The following ATAD3A variants were observed in gnomAD, a reference collection of about 807,000 sequenced individuals.
ATAD3A encodes the protein ATPase family AAA domain-containing protein 3A.
In ATAD3A, 46 loss-of-function variants were observed where a neutral mutation model predicts 73.8. That is an observed-to-expected ratio of 0.62 (90% CI 0.49 to 0.80). The LOEUF is 0.80. ATAD3A is among the 30% of genes least tolerant of loss of function. ATAD3A has a pLI of 0.00. For synonymous variants in ATAD3A, 319 were observed against 350.0 expected (o/e 0.91, Z 0.99); for missense variants, 705 against 838.0 (o/e 0.84, Z 1.96).
Position 1,524,348 on chromosome 1 carries a change from G to A in ATAD3A, c.1165G>A (p.Val389Met), listed in dbSNP as rs375431215. 3.7e-6 allele frequency: 6 copies of A among 1,611,448 alleles called. No homozygotes were observed. The African/African-American group carries it at 4.0e-5, about 11-fold the overall frequency. The change falls in exon 11 of 16, where the codon GTG becomes ATG. Residue 389 changes from valine (V) to methionine (M), a missense_variant. Physicochemically the swap from Val to Met is conservative, Grantham distance 21. Coordinates refer to ENST00000378756, the MANE Select transcript of ATAD3A (RefSeq NM_001170535.3). ...CGTGGCCCCCATGGGGCGGGAAGGCGTGACCGCCATGCACAAGCTCTTTGA... is the reference window on the plus strand; with the variant it reads ...CGTGGCCCCCATGGGGCGGGAAGGCATGACCGCCATGCACAAGCTCTTTGA... ...GDVAPMGREG[V>M]TAMHKLFDWA...
chr1:1,514,209 G>A (rs566723011), intron 1 of ATAD3A, among the ~76,000 whole-genome samples: 149 of 152,232 alleles, frequency 9.8e-4, no homozygotes, highest in African/African-American at 3.3e-3. Flanking sequence ...GTCACTGGGG[G>A]TAGGAACTGT....
intron 12 of ATAD3A, among the ~76,000 whole-genome samples, chr1:1,525,628 A>T (rs1428915560): frequency 6.6e-6 from 1 of 151,988 alleles, no homozygotes; most frequent in Non-Finnish European, 1.5e-5. Flanking sequence ...GTTAGCCAGG[A>T]TGGTCTCGAT....
In ATAD3A at chr1:1,523,715, G is replaced by C. The variant is rs1641693096; in HGVS notation, c.964-124G>C. 1.3e-6 allele frequency: 2 copies of C among 1,586,596 alleles called. No homozygotes were observed. The highest frequency in any genetic ancestry group is 1.1e-5 in the South Asian group (1 of 87,784). On this transcript the variant is annotated intron_variant, in intron 9 of 15. Coordinates refer to ENST00000378756, the MANE Select transcript of ATAD3A (RefSeq NM_001170535.3). This position sits in a 1 kb window ranked among gnomAD's most constrained non-coding sequence, Gnocchi z 5.1. ...CTTGGACCGTGCTGGGGATAGATAG[G>C]CTGCCCCTGAGGTGGGAGGCTTCCC...
At chr1:1,532,050 TATTG>T (rs1338886004) in intron 15 of ATAD3A, among the ~76,000 whole-genome samples, 1 of 152,194 alleles carries the variant, frequency 6.6e-6, no homozygotes, top group Non-Finnish European at 1.5e-5. Context: ...ACTCGGCTAA[TATTG>T]ATTGATTTTT....
chr1:1,519,081 C>T (rs1641495048), intron 5 of ATAD3A, 91 bp downstream of exon 5: 3 of 1,606,524 alleles, frequency 1.9e-6, no homozygotes, highest in Admixed American at 3.4e-5. Flanking sequence ...TGCCGCCCGG[C>T]CCCTCATAGC....
intron 15 of ATAD3A, among the ~76,000 whole-genome samples, chr1:1,531,703 G>T (rs1265973343): frequency 3.3e-5 from 5 of 151,686 alleles, no homozygotes; most frequent in Admixed American, 2.0e-4. Context: ...GCATGAACCC[G>T]GGAGGCAGAG....
At position 1,525,412 on chromosome 1, in the gene ATAD3A, G is replaced by GC. The variant is rs1570346524; in HGVS notation, c.1266+122dup. 16 of 998,646 alleles carry GC rather than the reference G, an allele frequency of 1.6e-5. No individual in the cohort carries two copies. In the East Asian group the frequency reaches 4.1e-4, roughly 26 times the overall value. 61.9% of individuals were successfully genotyped at this position (998,646 alleles called of 1,614,324 possible). On this transcript the variant is annotated intron_variant, in intron 12 of 15. Transcript: ENST00000378756. Reference sequence around the variant, plus strand: ...CTCTGTAAGCTTTGTGTGAAAAACAGCTTTTTTTTTTTTTTTTTTTGAGAA... The same window carrying GC: ...CTCTGTAAGCTTTGTGTGAAAAACAGCCTTTTTTTTTTTTTTTTTTTGAGAA...
chr1:1,514,756 G>A (rs1164990987), intron 1 of ATAD3A, among the ~76,000 whole-genome samples: 3 of 152,212 alleles, frequency 2.0e-5, no homozygotes, highest in Non-Finnish European at 4.4e-5. Context: ...AGTTGACTCT[G>A]AAGGCTTAAA....
intron 1 of ATAD3A, among the ~76,000 whole-genome samples, chr1:1,514,826 C>T (rs1221543241): frequency 6.6e-6 from 1 of 152,186 alleles, no homozygotes; most frequent in East Asian, 1.9e-4. Flanking sequence ...CCAGGAGCAT[C>T]GGGGGTCCCT....
chr1:1,525,221 G>T lies in ATAD3A; in HGVS notation c.1215-19G>T. On this transcript the variant is annotated intron_variant, in intron 11 of 15. Transcript: ENST00000378756. ...CCTGGTGTCACTCTCGCCCTGCTTG[G>T]CCTCCCTCTCGTTCACAGCCTCCTG... 1 of 1,613,496 alleles carries T rather than the reference G, an allele frequency of 6.2e-7. No homozygotes were observed. The highest frequency in any genetic ancestry group is 8.5e-7 in the Non-Finnish European group (1 of 1,179,910).
rs1315102014 is a variant in ATAD3A at position 1,517,303 on chromosome 1, C to G, written c.283-8C>G. The G allele has an allele frequency of 7.1e-6, 11 of 1,547,022 alleles. No homozygotes were observed. The Admixed American group carries it at 1.4e-4, about 19-fold the overall frequency. On this transcript the variant is annotated splice_polypyrimidine_tract_variant and splice_region_variant and intron_variant, in intron 2 of 15. Transcript: ENST00000378756. ...CAAGTGCCAGCTGGTGAGTGCTGTG[C>G]TCTGCAGGAGTATGAGGCCGCCGTG...
chr1:1,528,855 A>G (rs1641941154), intron 14 of ATAD3A, among the ~76,000 whole-genome samples: 1 of 151,790 alleles, frequency 6.6e-6, no homozygotes, highest in Non-Finnish European at 1.5e-5. Flanking sequence ...CCCCACCCCC[A>G]TGGCTGCTCG....
At chr1:1,532,685 G>C (rs558518940) in intron 15 of ATAD3A, among the ~76,000 whole-genome samples, 1 of 152,200 alleles carries the variant, frequency 6.6e-6, no homozygotes, top group African/African-American at 2.4e-5. Context: ...GCCCTGGGTG[G>C]GGTGCAGCCA....
chr1:1,516,158 T>A (rs1641351103), intron 2 of ATAD3A, 70 bp downstream of exon 2: 2 of 1,603,712 alleles, frequency 1.2e-6, no homozygotes, highest in Admixed American at 3.4e-5. Flanking sequence ...TTGGTAGGGC[T>A]ACTGCCGGTG....
Position 1,527,699 on chromosome 1 carries a change from A to G in ATAD3A, c.1342A>G (p.Met448Val). The change falls in exon 14 of 16, where the codon ATG becomes GTG. Residue 448 changes from methionine (M) to valine (V), a missense_variant. Transcript: ENST00000378756. The part of the protein sequence containing the change: ...YRTGQHSNKF[M>V]LVLASNQPEQ... ...ATCCTCATCCCCGCCCCGCAGGTTC[A>G]TGCTGGTCCTGGCCAGCAACCAACC... The G allele has an allele frequency of 1.2e-6, 2 of 1,610,990 alleles. No homozygotes were observed. The highest frequency in any genetic ancestry group is 8.5e-7 in the Non-Finnish European group (1 of 1,178,330).
At chr1:1,516,661 C>A (rs531319598) in intron 2 of ATAD3A, among the ~76,000 whole-genome samples, 1 of 152,140 alleles carries the variant, frequency 6.6e-6, no homozygotes, top group East Asian at 1.9e-4. Context: ...GATCCACCTG[C>A]CTCGGCCTCC....
At chr1:1,525,477 C>T (rs1295944166) in intron 12 of ATAD3A, among the ~76,000 whole-genome samples, 186 bp downstream of exon 12, 14 of 149,360 alleles carry the variant, frequency 9.4e-5, no homozygotes, top group Admixed American at 2.0e-4. Flanking sequence ...TGCAATGGCC[C>T]CATCTCGGCT....
In ATAD3A at chr1:1,523,274, A is replaced by G. The variant is rs1405823734; in HGVS notation, c.907-237A>G. Among the ~76,000 whole-genome samples, 1 of 152,098 alleles carries G rather than the reference A, an allele frequency of 6.6e-6. No individual in the cohort carries two copies. Among genetic ancestry groups the G allele is most frequent in the East Asian group, 1.9e-4 (1 of 5,190 alleles). ...CGCCCCCGAGGTGCCTGCTCTCCAC[A>G]GGTCACTGGGTAGGTGGTTAAGAAA... On this transcript the variant is annotated intron_variant, in intron 8 of 15. Coordinates refer to ENST00000378756, the MANE Select transcript of ATAD3A (RefSeq NM_001170535.3). This position sits in a 1 kb window ranked among gnomAD's most constrained non-coding sequence, Gnocchi z 5.1.
At chr1:1,528,823 T>C (rs1570354385) in intron 14 of ATAD3A, among the ~76,000 whole-genome samples, 1 of 152,224 alleles carries the variant, frequency 6.6e-6, no homozygotes, top group Non-Finnish European at 1.5e-5. Context: ...AGTTTCCCTA[T>C]GCCCTCCCCT....
Sources: allele counts gnomAD v4.1 joint callset (sites outside exome capture counted in the v4.1 genomes callset), GRCh38; gene constraint gnomAD v4.1.1; non-coding constraint Gnocchi (gnomAD v3.1); transcripts MANE v1.5; gene names NCBI Gene and HGNC (gene_info 2026-07-23, HGNC 2026-07-21).